COL28A1: variants seen among roughly 807,000 people sequenced by gnomAD.
The protein encoded by COL28A1 is collagen type XXVIII alpha 1 chain, also known as collagen alpha-1(XXVIII) chain.
In COL28A1, 161 loss-of-function variants were observed where a neutral mutation model predicts 150.2. That is an observed-to-expected ratio of 1.07 (90% confidence interval 0.94 to 1.22). The LOEUF (loss-of-function observed/expected upper bound fraction) is 1.22. COL28A1 is among the 50% of genes most tolerant of loss of function. The probability of loss-of-function intolerance (pLI) is 0.00; values close to 1 mark genes in which losing one functional copy is unlikely to be tolerated. For synonymous variants in COL28A1, 552 were observed against 469.7 expected (o/e 1.18, Z -2.26); for missense variants, 1,617 against 1,388.3 (o/e 1.16, Z -2.62).
chr7:7,434,222 C>T (rs1000415534), intron 23 of COL28A1, among the ~76,000 whole-genome samples: 3 of 152,168 alleles, frequency 2.0e-5, no homozygotes, highest in Non-Finnish European at 4.4e-5. Flanking sequence ...TACTATTCAT[C>T]ATCAACAAAA....
intron 15 of COL28A1, among the ~76,000 whole-genome samples, chr7:7,463,877 G>C (rs1048502829): frequency 6.6e-6 from 1 of 152,066 alleles, no homozygotes; most frequent in Non-Finnish European, 1.5e-5. Flanking sequence ...TTGCAGAATG[G>C]ATAAGAATTC....
chr7:7,378,771 G>A (rs899973668), intron 30 of COL28A1, among the ~76,000 whole-genome samples: 14 of 152,200 alleles, frequency 9.2e-5, no homozygotes, highest in African/African-American at 3.4e-4. Flanking sequence ...TCCATTTGAT[G>A]TGGAGATACT....
chr7:7,525,199 A>T (rs1398801358), intron 3 of COL28A1, among the ~76,000 whole-genome samples: 1 of 152,228 alleles, frequency 6.6e-6, no homozygotes, highest in Non-Finnish European at 1.5e-5. Flanking sequence ...AATGTGACTC[A>T]ACTGAGGTAA....
intron 27 of COL28A1, among the ~76,000 whole-genome samples, chr7:7,414,661 AG>A (rs111301732): frequency 6.6e-6 from 1 of 152,056 alleles, no homozygotes; most frequent in African/African-American, 2.4e-5. Context: ...TCAAGAGAAT[AG>A]GAAGGGGCAT....
Position 7,370,896 on chromosome 7 carries a change from A to T in COL28A1, c.2909-14T>A, listed in dbSNP as rs2128283075. On this transcript the variant is annotated splice_polypyrimidine_tract_variant and intron_variant, in intron 32 of 34. Coordinates refer to ENST00000399429, the MANE Select transcript of COL28A1 (RefSeq NM_001037763.3). ...GCTTCAGGGTGTCTTTTAAAAAAGA[A>T]GTAGAAAAGAGAGATAGTAGAAGCA... 6.4e-7 allele frequency: 1 copy of T among 1,558,986 alleles called. No individual in the cohort carries two copies. The highest frequency in any genetic ancestry group is 8.8e-7 in the Non-Finnish European group (1 of 1,132,010).
chr7:7,452,654 C>T (rs547676974), intron 17 of COL28A1, among the ~76,000 whole-genome samples: 29 of 152,142 alleles, frequency 1.9e-4, no homozygotes, highest in Non-Finnish European at 3.5e-4. Context: ...TAAGGAGCCC[C>T]TTGTGGAGGG....
At chr7:7,349,619 C>G in the COL28A1 span, among the ~76,000 whole-genome samples, 1 of 152,142 alleles carries the variant, frequency 6.6e-6, no homozygotes, top group Non-Finnish European at 1.5e-5. Context: ...TTGGTGTCCC[C>G]TTTCTGTGCT....
intron 19 of COL28A1, 98 bp downstream of exon 19, chr7:7,444,318 TAA>T (rs1786072523): frequency 1.3e-6 from 2 of 1,520,642 alleles, no homozygotes; most frequent in Non-Finnish European, 1.8e-6. Context: ...TTAAAGAAAC[TAA>T]GTTTGTCCTG....
chr7:7,390,707 G>C lies in COL28A1; in HGVS notation c.2137-9095C>G, dbSNP rs188798012. 2.0e-5 allele frequency among the ~76,000 whole-genome samples: 3 copies of C among 152,194 alleles called. No homozygotes were observed. The East Asian group carries it at 5.8e-4, about 29-fold the overall frequency. On this transcript the variant is annotated intron_variant, in intron 27 of 34. Transcript: ENST00000399429. ...CTGTTCGAGGATTCAACTTCTTCCT[G>C]GTTTGGGCTTGGAAGTGTGTATGTG...
intron 10 of COL28A1, among the ~76,000 whole-genome samples, chr7:7,506,611 T>C (rs1046632976): frequency 6.6e-6 from 1 of 152,192 alleles, no homozygotes; most frequent in Non-Finnish European, 1.5e-5. Context: ...AAGAGATAAG[T>C]TCCTAGGCTA....
At chr7:7,371,237 C>A (rs115610547) in intron 32 of COL28A1, among the ~76,000 whole-genome samples, 8 of 152,198 alleles carry the variant, frequency 5.3e-5, no homozygotes, top group African/African-American at 1.9e-4. Flanking sequence ...ATATTCTTTA[C>A]AGGCTGTAAC....
chr7:7,457,304 G>C (rs1292776512), intron 15 of COL28A1, among the ~76,000 whole-genome samples: 9 of 152,302 alleles, frequency 5.9e-5, no homozygotes, highest in Middle Eastern at 3.4e-3. Flanking sequence ...GCACAAACCA[G>C]AATGTTGAGA....
chr7:7,460,695 T>G (rs933502200), intron 15 of COL28A1, among the ~76,000 whole-genome samples: 2 of 152,240 alleles, frequency 1.3e-5, no homozygotes, highest in Admixed American at 1.3e-4. Context: ...TCAATGTTTT[T>G]AACAACTGTT....
intron 13 of COL28A1, among the ~76,000 whole-genome samples, chr7:7,477,554 G>A (rs1356421137): frequency 1.3e-5 from 2 of 152,196 alleles, no homozygotes; most frequent in Admixed American, 1.3e-4. Context: ...GAGTGTCACA[G>A]TTCTAAAAGG....
chr7:7,338,437 T>C, the COL28A1 span, among the ~76,000 whole-genome samples: 1 of 152,110 alleles, frequency 6.6e-6, no homozygotes, highest in African/African-American at 2.4e-5. Flanking sequence ...TTCCTAGGTA[T>C]TTTATTCTTT....
At chr7:7,351,889 C>T (rs1424107820), downstream of COL28A1, among the ~76,000 whole-genome samples, 2 of 152,124 alleles carry the variant, frequency 1.3e-5, no homozygotes, top group Non-Finnish European at 2.9e-5. Flanking sequence ...ACCTGAAAAA[C>T]TAGTTCAGGC....
At chr7:7,504,900 T>C (rs1225652833) in intron 11 of COL28A1, among the ~76,000 whole-genome samples, 1 of 152,204 alleles carries the variant, frequency 6.6e-6, no homozygotes, top group African/African-American at 2.4e-5. Context: ...GTGTGGTCTG[T>C]CAAAATATAT....
At chr7:7,353,488 C>T (rs1208102442), downstream of COL28A1, among the ~76,000 whole-genome samples, 1 of 152,128 alleles carries the variant, frequency 6.6e-6, no homozygotes, top group Non-Finnish European at 1.5e-5. Context: ...AAATACTAAA[C>T]CTTCTGAAAG....
chr7:7,509,471 T>G (rs1477799957), intron 9 of COL28A1, among the ~76,000 whole-genome samples: 1 of 152,202 alleles, frequency 6.6e-6, no homozygotes, highest in Non-Finnish European at 1.5e-5. Context: ...CTTCTCTATC[T>G]CTTCATGTTG....
Sources: allele counts gnomAD v4.1 joint callset (sites outside exome capture counted in the v4.1 genomes callset), GRCh38; gene constraint gnomAD v4.1.1; transcripts MANE v1.5; gene names NCBI Gene and HGNC (gene_info 2026-07-23, HGNC 2026-07-21).